ASIC2: variants seen among roughly 807,000 people sequenced by gnomAD.
ASIC2 encodes acid sensing ion channel subunit 2.
A neutral mutation model predicts 57.3 loss-of-function variants in ASIC2; 25 were observed. The observed-to-expected ratio is 0.44, with a 90% CI of 0.32 to 0.61. The LOEUF (loss-of-function observed/expected upper bound fraction) is 0.61. ASIC2 is among the 20% of genes least tolerant of loss of function. The pLI, the probability that ASIC2 is intolerant of heterozygous loss-of-function variation, is 0.06. For missense variants in ASIC2, 641 were observed against 738.1 expected (o/e 0.87, Z 1.52); for synonymous variants, 319 against 307.5 (o/e 1.04, Z -0.39).
At chr17:33,251,062 G>A (rs773708017) in intron 1 of ASIC2, among the ~76,000 whole-genome samples, 1 of 152,188 alleles carries the variant, frequency 6.6e-6, no homozygotes, top group African/African-American at 2.4e-5. Flanking sequence ...TATATTCAAA[G>A]AAGGAATTGA....
intron 1 of ASIC2, among the ~76,000 whole-genome samples, chr17:33,315,298 C>T (rs1326302847): frequency 6.6e-6 from 1 of 152,004 alleles, no homozygotes; most frequent in Non-Finnish European, 1.5e-5. Flanking sequence ...CAAACAGAAC[C>T]CAGGGAGGGA....
At chr17:33,550,761 G>A (rs1305918866) in intron 1 of ASIC2, among the ~76,000 whole-genome samples, 1 of 152,182 alleles carries the variant, frequency 6.6e-6, no homozygotes, top group Non-Finnish European at 1.5e-5. Flanking sequence ...TCTAGAGAAG[G>A]TACATTTGCA....
chr17:33,351,344 T>C (rs1234549570), intron 1 of ASIC2, among the ~76,000 whole-genome samples: 5 of 152,030 alleles, frequency 3.3e-5, no homozygotes, highest in Non-Finnish European at 7.4e-5. Context: ...CCACTGTGAA[T>C]GGATGGACAA....
intron 1 of ASIC2, among the ~76,000 whole-genome samples, chr17:33,194,908 T>TA (rs1906565065): frequency 6.6e-6 from 1 of 151,986 alleles, no homozygotes; most frequent in South Asian, 2.1e-4. Flanking sequence ...ATAGGCAGAG[T>TA]GGGAAACTTT....
chr17:34,095,947 C>T (rs750938514), intron 1 of ASIC2, among the ~76,000 whole-genome samples: 8 of 151,842 alleles, frequency 5.3e-5, no homozygotes, highest in Non-Finnish European at 1.2e-4. Flanking sequence ...TTACTATACT[C>T]ATTTTACAGA....
At chr17:33,134,812 C>T (rs1269804198) in intron 1 of ASIC2, among the ~76,000 whole-genome samples, 4 of 149,582 alleles carry the variant, frequency 2.7e-5, no homozygotes, top group Non-Finnish European at 4.4e-5. Flanking sequence ...ATCATAGCCC[C>T]TGCCCCAAAG....
intron 1 of ASIC2, among the ~76,000 whole-genome samples, chr17:33,904,712 G>A (rs901761444): frequency 6.6e-6 from 1 of 152,150 alleles, no homozygotes; most frequent in African/African-American, 2.4e-5. Context: ...GAGCATCCAT[G>A]GCCTTTTAGA....
At position 33,292,425 on chromosome 17, in the gene ASIC2, T is replaced by C; in HGVS notation, c.-310A>G. On this transcript the variant is annotated 5_prime_UTR_variant, in exon 1 of 10. Transcript: ENST00000225823. ...GAGGATGCCCGGCGCCCGGCACTAC[T>C]TCTGGAGGGGTCCCACTGGGAGCCG... 1 of 985,564 alleles carries C rather than the reference T, an allele frequency of 1.0e-6. No homozygotes were observed. Among genetic ancestry groups the C allele is most frequent in the Non-Finnish European group, 1.2e-6 (1 of 830,198 alleles). The allele number at this position is 985,564 out of a possible 1,614,324, so 61.1% of individuals were successfully genotyped here. A position where few individuals can be genotyped will look rare whatever the true frequency, so the allele number is the denominator to read the frequency against.
At chr17:33,950,189 C>T (rs1448729359) in intron 1 of ASIC2, among the ~76,000 whole-genome samples, 1 of 152,168 alleles carries the variant, frequency 6.6e-6, no homozygotes, top group African/African-American at 2.4e-5. Flanking sequence ...GCGTGGCCTT[C>T]CTGGGAACTT....
intron 1 of ASIC2, among the ~76,000 whole-genome samples, chr17:33,641,209 C>A (rs1453352249): frequency 6.6e-6 from 1 of 152,138 alleles, no homozygotes; most frequent in Non-Finnish European, 1.5e-5. Context: ...TTTTTCAGCC[C>A]AGCTTATAGA....
intron 1 of ASIC2, among the ~76,000 whole-genome samples, chr17:33,551,926 G>T (rs903368394): frequency 6.6e-6 from 1 of 152,162 alleles, no homozygotes; most frequent in African/African-American, 2.4e-5. Flanking sequence ...TTGTCACAAA[G>T]GAGCCTGAGG....
intron 1 of ASIC2, among the ~76,000 whole-genome samples, chr17:33,178,179 G>A (rs561645246): frequency 6.6e-6 from 1 of 152,240 alleles, no homozygotes; most frequent in South Asian, 2.1e-4. Context: ...AGTTTGCAAG[G>A]TAATGCATAT....
At chr17:33,255,780 G>A (rs1909046153) in intron 1 of ASIC2, among the ~76,000 whole-genome samples, 1 of 152,016 alleles carries the variant, frequency 6.6e-6, no homozygotes, top group Non-Finnish European at 1.5e-5. Context: ...AAGATTTCAG[G>A]CATGTCAAAA....
At chr17:33,612,336 G>A (rs1412556158) in intron 1 of ASIC2, among the ~76,000 whole-genome samples, 2 of 152,198 alleles carry the variant, frequency 1.3e-5, no homozygotes, top group Non-Finnish European at 2.9e-5. Context: ...TTTACCAGGA[G>A]TGGGTAGAAA....
intron 1 of ASIC2, chr17:33,534,230 G>A (rs148057150): frequency 6.6e-5 from 10 of 152,212 alleles, no homozygotes; most frequent in Admixed American, 2.6e-4. Context: ...AAATTCAAAC[G>A]CGAACCAGAA....
intron 1 of ASIC2, among the ~76,000 whole-genome samples, chr17:33,789,924 AGTC>A (rs1911718417): frequency 6.6e-6 from 1 of 152,338 alleles, no homozygotes; most frequent in East Asian, 1.9e-4. Flanking sequence ...TATATGAATA[AGTC>A]CTATAGCATC....
At chr17:33,250,304 G>T (rs574902371) in intron 1 of ASIC2, among the ~76,000 whole-genome samples, 1 of 152,306 alleles carries the variant, frequency 6.6e-6, no homozygotes, top group East Asian at 1.9e-4. Flanking sequence ...CGAGGAGCTG[G>T]GGTGTGGGTG....
chr17:33,884,406 T>C lies in ASIC2; in HGVS notation c.555+271572A>G, dbSNP rs139685460. Among the ~76,000 whole-genome samples, 504 of 152,314 alleles carry C rather than the reference T, an allele frequency of 3.3e-3. 7 individuals carry two copies. Among genetic ancestry groups the C allele is most frequent in the African/African-American group, 0.012 (484 of 41,562 alleles). Reference sequence around the variant, plus strand: ...TTGCTTGTTCCTGGATGCTTCTCCATAGTTATCAGTTCCCTGATCCCTGCT... The same window carrying C: ...TTGCTTGTTCCTGGATGCTTCTCCACAGTTATCAGTTCCCTGATCCCTGCT... On this transcript the variant is annotated intron_variant, in intron 1 of 9. Transcript: ENST00000359872.
chr17:34,154,888 G>T (rs906080970), intron 1 of ASIC2, among the ~76,000 whole-genome samples: 1 of 152,232 alleles, frequency 6.6e-6, no homozygotes, highest in Middle Eastern at 3.4e-3. Context: ...ACCCAGACGT[G>T]CCTGGCAGCA....
Sources: gnomAD v4.1 joint callset for allele counts (sites outside exome capture counted in the v4.1 genomes callset) on GRCh38, gnomAD v4.1.1 for gene constraint, MANE v1.5 for transcripts, NCBI Gene and HGNC (gene_info 2026-07-23, HGNC 2026-07-21) for gene names.